Variants in SERPINA9 observed in about 807,000 individuals in gnomAD.
SERPINA9 encodes serpin A9.
In SERPINA9, 32 loss-of-function variants were observed where a neutral mutation model predicts 24.5. That is an observed-to-expected ratio of 1.30 (90% confidence interval 0.98 to 1.75). The LOEUF (loss-of-function observed/expected upper bound fraction) is 1.75. Ranked by LOEUF, SERPINA9 falls within the 40% of genes most tolerant of loss-of-function variation. The pLI, the probability that SERPINA9 is intolerant of heterozygous loss-of-function variation, is 0.00. For synonymous variants in SERPINA9, 233 were observed against 197.7 expected (o/e 1.18, Z -1.50); for missense variants, 594 against 497.1 (o/e 1.19, Z -1.85).
chr14:94,471,787 G>A (rs745868455), intron 1 of SERPINA9, among the ~76,000 whole-genome samples: 5 of 151,952 alleles, frequency 3.3e-5, no homozygotes, highest in Non-Finnish European at 5.9e-5. Flanking sequence ...CATCTTCCAA[G>A]TCAGGAGACT....
At chr14:94,470,015 A>T (rs79392022) in intron 1 of SERPINA9, 158 bp from the exon 2 acceptor site, 12,149 of 669,912 alleles carry the variant, frequency 0.018, 378 homozygotes, top group South Asian at 0.12. Flanking sequence ...CAATATTCCC[A>T]TGATGTAGAT....
At chr14:94,475,400 A>C (rs1284078549) in intron 1 of SERPINA9, among the ~76,000 whole-genome samples, 1 of 150,638 alleles carries the variant, frequency 6.6e-6, no homozygotes, top group East Asian at 2.0e-4. Flanking sequence ...TGTGCTACAT[A>C]TGCATGTGTG....
intron 1 of SERPINA9, among the ~76,000 whole-genome samples, chr14:94,471,079 T>G (rs1360192109): frequency 6.6e-6 from 1 of 150,928 alleles, no homozygotes; most frequent in Non-Finnish European, 1.5e-5. Context: ...ATTTTATAAT[T>G]TCCCCCCCAT....
rs1455779027 is a variant in SERPINA9 at position 94,469,531 on chromosome 14, G to T, written c.310C>A (p.His104Asn). Residue 104 changes from histidine (H) to asparagine (N), a missense_variant, in exon 2 of 5, where the codon CAC (histidine) becomes AAC (asparagine). Transcript: ENST00000674397. The part of the protein sequence containing the change: ...ILQGLGFNLT[H>N]TPESAIHQGF... ...TGGTGGATGGCAGACTCTGGTGTGT[G>T]TGTGAGGTTGAAGCCCAGGCCCTGG... 1 of 1,614,096 alleles carries T rather than the reference G, an allele frequency of 6.2e-7. No homozygotes were observed. Among genetic ancestry groups the T allele is most frequent in the African/African-American group, 1.3e-5 (1 of 74,934 alleles).
chr14:94,467,092 T>G lies in SERPINA9; in HGVS notation c.902+17A>C, dbSNP rs773652030. 6.2e-7 allele frequency: 1 copy of G among 1,610,320 alleles called. No individual in the cohort carries two copies. The highest frequency in any genetic ancestry group is 8.5e-7 in the Non-Finnish European group (1 of 1,177,904). On this transcript the variant is annotated intron_variant, in intron 3 of 4. Coordinates refer to ENST00000674397, the MANE Select transcript of SERPINA9 (RefSeq NM_175739.4). ...ATCCCCTGCCTCAGGGCCCAGGAGA[T>G]TGACACAGATGCCCACCTTTTCTGG...
At position 94,463,150 on chromosome 14, in the gene SERPINA9, A is replaced by G; in HGVS notation, c.1197T>C (p.Asn399=). Residue 399 remains asparagine (N), a synonymous_variant, in exon 5 of 5, where the codon AAT becomes AAC. Coordinates refer to ENST00000674397, the MANE Select transcript of SERPINA9 (RefSeq NM_175739.4). ...FNRTFLMMIT[N]KATDGILFLG... is the part of the protein sequence containing the mutation. ...GAAAGAGAATACCGTCTGTGGCTTTATTTGTAATCATCATCAGGAAGGTCC... is the reference window on the plus strand; with the variant it reads ...GAAAGAGAATACCGTCTGTGGCTTTGTTTGTAATCATCATCAGGAAGGTCC... The G allele has an allele frequency of 6.2e-7, 1 of 1,614,178 alleles. No individual in the cohort carries two copies. The highest frequency in any genetic ancestry group is 1.1e-5 in the South Asian group (1 of 91,078).
intron 2 of SERPINA9, 22 bp from the exon 3 acceptor site, chr14:94,467,404 A>G: frequency 6.3e-7 from 1 of 1,576,686 alleles, no homozygotes; most frequent in Non-Finnish European, 8.6e-7. Context: ...AGAGAAAAGA[A>G]GTCTTTATGT....
intron 3 of SERPINA9, 52 bp downstream of exon 3, chr14:94,467,057 G>C (rs1269345440): frequency 1.2e-5 from 19 of 1,569,856 alleles, no homozygotes; most frequent in Non-Finnish European, 1.6e-5. Flanking sequence ...CCTCATCTTT[G>C]AATGTGTGCA....
chr14:94,473,443 C>T (rs966485561), intron 1 of SERPINA9, among the ~76,000 whole-genome samples: 1 of 148,724 alleles, frequency 6.7e-6, no homozygotes, highest in Non-Finnish European at 1.5e-5. Context: ...CACTTGAACC[C>T]GGGAGGCGGA....
At chr14:94,467,559 G>A (rs972973461) in intron 2 of SERPINA9, among the ~76,000 whole-genome samples, 177 bp from the exon 3 acceptor site, 1 of 152,154 alleles carries the variant, frequency 6.6e-6, no homozygotes. Context: ...ATACTAAAAA[G>A]CAATAAAATG....
At chr14:94,470,022 A>G in intron 1 of SERPINA9, 165 bp from the exon 2 acceptor site, 1 of 649,140 alleles carries the variant, frequency 1.5e-6, no homozygotes, top group Non-Finnish European at 2.4e-6. Flanking sequence ...CCCATGATGT[A>G]GATCTTATTA....
chr14:94,467,141 T>C lies in SERPINA9; in HGVS notation c.870A>G (p.Thr290=), dbSNP rs1351740272. Residue 290 remains threonine, a synonymous_variant, in exon 3 of 5, where the codon ACA becomes ACG. Coordinates refer to ENST00000674397, the MANE Select transcript of SERPINA9 (RefSeq NM_175739.4). ...RQLEQALSAR[T]LRKWSHSLQK... ...GGAGTGAGTGGCTCCACTTTCTCAGTGTTCTGGCTGACAAGGCCTGTTCCA... is the reference window on the plus strand; with the variant it reads ...GGAGTGAGTGGCTCCACTTTCTCAGCGTTCTGGCTGACAAGGCCTGTTCCA... 6.2e-7 allele frequency: 1 copy of C among 1,614,168 alleles called. No homozygotes were observed. Among genetic ancestry groups the C allele is most frequent in the Non-Finnish European group, 8.5e-7 (1 of 1,180,002 alleles).
intron 2 of SERPINA9, among the ~76,000 whole-genome samples, chr14:94,468,186 G>A (rs1391733978): frequency 1.3e-5 from 2 of 152,052 alleles, no homozygotes; most frequent in African/African-American, 2.4e-5. Context: ...GGCTAGCTAG[G>A]TGGATGAATG....
At chr14:94,475,901 AT>A (rs751046513) in intron 1 of SERPINA9, 296 of 572,882 alleles carry the variant, frequency 5.2e-4, no homozygotes, top group Non-Finnish European at 7.7e-4. Flanking sequence ...AGAGCTGTGT[AT>A]TCATGGTCTC....
At chr14:94,468,796 A>G (rs1395336538) in intron 2 of SERPINA9, among the ~76,000 whole-genome samples, 3 of 152,286 alleles carry the variant, frequency 2.0e-5, no homozygotes, top group Non-Finnish European at 2.9e-5. Context: ...ACATTTCTAC[A>G]CCTATGAAAG....
At position 94,476,136 on chromosome 14, in the gene SERPINA9, C is replaced by G. The variant is rs267604113; in HGVS notation, c.-18G>C. On this transcript the variant is annotated splice_region_variant and 5_prime_UTR_variant, in exon 1 of 5. Coordinates refer to ENST00000674397, the MANE Select transcript of SERPINA9 (RefSeq NM_175739.4). ...CTCTCTGCACCTCCTCCTTACCCAC[C>G]TTTGCAGGTTCCTCTTCTCCTGCCC... The G allele has an allele frequency of 6.8e-6, 11 of 1,614,066 alleles. No individual in the cohort carries two copies. The African/African-American group carries it at 1.5e-4, about 22-fold the overall frequency.
intron 1 of SERPINA9, chr14:94,475,912 C>G: frequency 3.3e-6 from 2 of 597,742 alleles, no homozygotes; most frequent in East Asian, 2.8e-5. Context: ...TTCATGGTCT[C>G]TGTGGCCTTA....
At position 94,467,114 on chromosome 14, in the gene SERPINA9, C is replaced by T; in HGVS notation, c.897G>A (p.Gln299=). 6.2e-7 allele frequency: 1 copy of T among 1,613,586 alleles called. No individual in the cohort carries two copies. Among genetic ancestry groups the T allele is most frequent in the Admixed American group, 1.7e-5 (1 of 59,990 alleles). ...AGATTGACACAGATGCCCACCTTTT[C>T]TGGAGTGAGTGGCTCCACTTTCTCA... ...RTLRKWSHSL[Q]KRWIEVFIPR... The change falls in exon 3 of 5, where the codon CAG becomes CAA. Residue 299 remains glutamine (Q), a synonymous_variant. Coordinates refer to ENST00000674397, the MANE Select transcript of SERPINA9 (RefSeq NM_175739.4).
chr14:94,464,507 T>G, intron 4 of SERPINA9, 200 bp downstream of exon 4: 1 of 559,704 alleles, frequency 1.8e-6, no homozygotes, highest in Non-Finnish European at 3.1e-6. Context: ...CTTCGGAACA[T>G]TTGTGTGAAG....
Sources: allele counts gnomAD v4.1 joint callset (sites outside exome capture counted in the v4.1 genomes callset), GRCh38; gene constraint gnomAD v4.1.1; transcripts MANE v1.5; gene names NCBI Gene and HGNC (gene_info 2026-07-23, HGNC 2026-07-21).